PRPF4: variants seen among roughly 807,000 people sequenced by gnomAD.
The protein encoded by PRPF4 is U4/U6 small nuclear ribonucleoprotein Prp4.
In PRPF4, 14 loss-of-function variants were observed where a neutral mutation model predicts 72.2. That is an observed-to-expected ratio of 0.19 (90% CI 0.13 to 0.30). The LOEUF is 0.30. PRPF4 is among the 10% of genes least tolerant of loss of function. PRPF4 has a pLI of 1.00. For missense variants in PRPF4, 478 were observed against 653.9 expected (o/e 0.73, Z 2.93); for synonymous variants, 225 against 232.2 (o/e 0.97, Z 0.28).
Position 113,286,772 on chromosome 9 carries a change from T to C in PRPF4, c.876T>C (p.Asp292=), listed in dbSNP as rs1295186861. The C allele has an allele frequency of 2.5e-6, 4 of 1,614,092 alleles. No individual in the cohort carries two copies. Among genetic ancestry groups the C allele is most frequent in the East Asian group, 2.2e-5 (1 of 44,898 alleles). Residue 292 remains aspartate (D), a synonymous_variant, in exon 9 of 14, where the codon GAT becomes GAC. Coordinates refer to ENST00000374198, the MANE Select transcript of PRPF4 (RefSeq NM_001244926.2). ...CCACTGTCTCCTTGGACCCAAAAGATGTCAACCTGGCCTCTTGTGCGGCTG... is the reference window on the plus strand; with the variant it reads ...CCACTGTCTCCTTGGACCCAAAAGACGTCAACCTGGCCTCTTGTGCGGCTG... ...PKSTVSLDPK[D]VNLASCAADG... is the part of the protein sequence containing the mutation.
chr9:113,275,818 G>T, intron 1 of PRPF4, 48 bp downstream of exon 1: 1 of 1,605,954 alleles, frequency 6.2e-7, no homozygotes. Flanking sequence ...GCGCTAAGGG[G>T]GAAGGGGATC....
rs572396891 is a variant in PRPF4, at chr9:113,283,500, A to G, written c.654+18A>G. Reference sequence around the variant, plus strand: ...CTCTCCGGGTAAGATGCTCCCAGCAATTGTCCCACATCTTAAAGGTTCTTC... The same window carrying G: ...CTCTCCGGGTAAGATGCTCCCAGCAGTTGTCCCACATCTTAAAGGTTCTTC... On this transcript the variant is annotated intron_variant, in intron 6 of 13. Transcript: ENST00000374198. 353 of 1,612,374 alleles carry G rather than the reference A, an allele frequency of 2.2e-4. 1 individual carries two copies. The highest frequency in any genetic ancestry group is 2.6e-4 in the Non-Finnish European group (310 of 1,178,682).
intron 3 of PRPF4, among the ~76,000 whole-genome samples, chr9:113,280,384 C>T (rs1156615214): frequency 6.6e-6 from 1 of 152,168 alleles, no homozygotes; most frequent in Non-Finnish European, 1.5e-5. Context: ...ATTCCCAAAT[C>T]TCTCACTGCA....
chr9:113,280,085 C>G (rs976857490), intron 3 of PRPF4, among the ~76,000 whole-genome samples: 4 of 152,140 alleles, frequency 2.6e-5, no homozygotes, highest in Admixed American at 6.6e-5. Context: ...CAACCCCTAC[C>G]ACATTAAAAT....
chr9:113,291,328 A>T, intron 13 of PRPF4, 139 bp from the exon 14 acceptor site: 4 of 834,526 alleles, frequency 4.8e-6, no homozygotes, highest in Non-Finnish European at 5.5e-6. Flanking sequence ...GAGCCAAAAG[A>T]CCTTACTGTT....
chr9:113,286,140 G>C, intron 7 of PRPF4, 92 bp from the exon 8 acceptor site: 1 of 1,373,050 alleles, frequency 7.3e-7, no homozygotes, highest in South Asian at 1.2e-5. Flanking sequence ...TTTATTGGGG[G>C]TGAGAAGAGA....
At chr9:113,286,206 G>A (rs1241869125) in intron 7 of PRPF4, 26 bp from the exon 8 acceptor site, 1 of 1,613,928 alleles carries the variant, frequency 6.2e-7, no homozygotes, top group South Asian at 1.1e-5. Flanking sequence ...AACCCTGGCT[G>A]AGATGCTTTC....
intron 3 of PRPF4, among the ~76,000 whole-genome samples, chr9:113,280,548 C>T (rs16932061): frequency 0.047 from 7,087 of 152,246 alleles, 540 homozygotes; most frequent in African/African-American, 0.16. Flanking sequence ...TTGCGAGATA[C>T]AACTCCAGCT....
At chr9:113,279,875 C>G (rs1832223266) in intron 3 of PRPF4, among the ~76,000 whole-genome samples, 1 of 152,182 alleles carries the variant, frequency 6.6e-6, no homozygotes, top group Admixed American at 6.5e-5. Context: ...GGGGTACCAT[C>G]CTCAGATAAT....
intron 3 of PRPF4, among the ~76,000 whole-genome samples, chr9:113,280,121 A>T (rs1490805001): frequency 6.6e-6 from 1 of 151,998 alleles, no homozygotes; most frequent in Non-Finnish European, 1.5e-5. Flanking sequence ...TCACCAATCC[A>T]CCTTTACTAA....
chr9:113,276,842 GTC>G, intron 2 of PRPF4, 117 bp downstream of exon 2: 1 of 1,178,674 alleles, frequency 8.5e-7, no homozygotes, highest in Non-Finnish European at 1.2e-6. Context: ...TTTAAACAGA[GTC>G]TCGCTCTGTC....
At chr9:113,279,664 CA>C (rs1369688265) in intron 3 of PRPF4, among the ~76,000 whole-genome samples, 1 of 152,178 alleles carries the variant, frequency 6.6e-6, no homozygotes, top group Non-Finnish European at 1.5e-5. Context: ...GCTGGGATTA[CA>C]AGCGTGAGCC....
In PRPF4 at chr9:113,276,620, T is replaced by G. The variant is rs902282256; in HGVS notation, c.100T>G (p.Leu34Val). Residue 34 changes from leucine to valine, a missense_variant, in exon 2 of 14, where the codon TTG becomes GTG. By Grantham distance (32) the Leu-to-Val change is conservative. Transcript: ENST00000374198. ...VKKPHIYYGS[L>V]EEKERERLAK... ...GAAACCACACATCTATTATGGAAGT[T>G]TGGAAGAGAAGGAGAGGGAGCGTCT... 2.5e-6 allele frequency: 4 copies of G among 1,613,880 alleles called. No homozygotes were observed. The highest frequency in any genetic ancestry group is 3.4e-6 in the Non-Finnish European group (4 of 1,180,010).
chr9:113,277,065 G>A (rs1004434562), intron 2 of PRPF4, among the ~76,000 whole-genome samples: 11 of 151,970 alleles, frequency 7.2e-5, no homozygotes, highest in African/African-American at 1.5e-4. Flanking sequence ...CGCCCGCCTC[G>A]TCCTCCTAAA....
chr9:113,282,642 A>G lies in PRPF4; in HGVS notation c.393-4A>G. ...ATTCTGATCTTTTTTTTTTTTTTTA[A>G]CAGGTTAAGAAATATCCTCTCAGTT... On this transcript the variant is annotated splice_region_variant and splice_polypyrimidine_tract_variant and intron_variant, in intron 3 of 13. Coordinates refer to ENST00000374198, the MANE Select transcript of PRPF4 (RefSeq NM_001244926.2). 6.5e-7 allele frequency: 1 copy of G among 1,540,804 alleles called. No homozygotes were observed. The highest frequency in any genetic ancestry group is 8.8e-7 in the Non-Finnish European group (1 of 1,141,148).
At chr9:113,278,820 T>G in intron 2 of PRPF4, 125 bp from the exon 3 acceptor site, 1 of 933,776 alleles carries the variant, frequency 1.1e-6, no homozygotes, top group Non-Finnish European at 1.6e-6. Context: ...TGAAAAACAG[T>G]AAACTATAAA....
At chr9:113,275,830 C>T (rs1176915989) in intron 1 of PRPF4, 60 bp downstream of exon 1, 59 of 1,599,150 alleles carry the variant, frequency 3.7e-5, no homozygotes, top group Admixed American at 2.1e-4. Flanking sequence ...AAGGGGATCT[C>T]TGCGGGAAGG....
intron 9 of PRPF4, among the ~76,000 whole-genome samples, chr9:113,287,420 C>T (rs1371633035): frequency 6.6e-6 from 1 of 151,936 alleles, no homozygotes; most frequent in Non-Finnish European, 1.5e-5. Flanking sequence ...TAGCATCATC[C>T]TTTACCTAGA....
At position 113,288,166 on chromosome 9, in the gene PRPF4, C is replaced by T; in HGVS notation, c.933-9C>T. ...TATAAAATTGTTTATATGTTTGGTT[C>T]CTTTCCAGTGATGAACCAGTGGCAG... On this transcript the variant is annotated splice_polypyrimidine_tract_variant and intron_variant, in intron 9 of 13. Transcript: ENST00000374198. 4.3e-6 allele frequency: 7 copies of T among 1,613,640 alleles called. No homozygotes were observed. Among genetic ancestry groups the T allele is most frequent in the Non-Finnish European group, 5.1e-6 (6 of 1,179,706 alleles).
Sources: gnomAD v4.1 joint callset for allele counts (sites outside exome capture counted in the v4.1 genomes callset) on GRCh38, gnomAD v4.1.1 for gene constraint, MANE v1.5 for transcripts, NCBI Gene and HGNC (gene_info 2026-07-23, HGNC 2026-07-21) for gene names.